Variants in CADPS2 observed in about 807,000 individuals in gnomAD.
The protein encoded by CADPS2 is calcium dependent secretion activator 2, also known as calcium-dependent secretion activator 2.
A neutral mutation model predicts 172.5 loss-of-function variants in CADPS2; 93 were observed. That is an observed-to-expected ratio of 0.54 (90% confidence interval 0.46 to 0.64). The LOEUF (loss-of-function observed/expected upper bound fraction) is 0.64, where lower values mean the gene tolerates loss of function less well. CADPS2 is among the 30% of genes least tolerant of loss of function. The pLI, the probability that CADPS2 is intolerant of heterozygous loss-of-function variation, is 0.00. For synonymous variants in CADPS2, 546 were observed against 555.2 expected (o/e 0.98, Z 0.23); for missense variants, 1,420 against 1,565.9 (o/e 0.91, Z 1.57).
chr7:122,645,758 T>C (rs2078480294), intron 3 of CADPS2, among the ~76,000 whole-genome samples: 1 of 144,574 alleles, frequency 6.9e-6, no homozygotes, highest in Non-Finnish European at 1.5e-5. Context: ...GTGCTTACTG[T>C]GAATATCACT....
intron 1 of CADPS2, among the ~76,000 whole-genome samples, chr7:122,829,529 G>T (rs1267583757): frequency 6.6e-6 from 1 of 151,524 alleles, no homozygotes; most frequent in African/African-American, 2.4e-5. Flanking sequence ...TTTATCCTAT[G>T]GAAAAAAAGG....
chr7:122,644,932 T>C (rs2134648647), intron 3 of CADPS2, among the ~76,000 whole-genome samples: 1 of 152,190 alleles, frequency 6.6e-6, no homozygotes, highest in South Asian at 2.1e-4. Context: ...AAATAGCAGT[T>C]TTTCATGGAT....
At chr7:122,525,461 G>A (rs956389054) in intron 8 of CADPS2, among the ~76,000 whole-genome samples, 1 of 152,226 alleles carries the variant, frequency 6.6e-6, no homozygotes. Context: ...CAATCTTGTC[G>A]GTAGTCAAGG....
chr7:122,456,225 A>G (rs2053756595), intron 14 of CADPS2, among the ~76,000 whole-genome samples: 1 of 152,064 alleles, frequency 6.6e-6, no homozygotes. Flanking sequence ...ATAAATAAAC[A>G]TAATAATCCT....
intron 17 of CADPS2, among the ~76,000 whole-genome samples, chr7:122,420,697 A>G (rs531855417): frequency 6.6e-6 from 1 of 152,338 alleles, no homozygotes; most frequent in African/African-American, 2.4e-5. Context: ...CTTCACACCA[A>G]ATTGCTGATT....
At chr7:122,730,533 A>G (rs574946912) in intron 2 of CADPS2, among the ~76,000 whole-genome samples, 3 of 151,782 alleles carry the variant, frequency 2.0e-5, no homozygotes, top group Non-Finnish European at 4.4e-5. Flanking sequence ...AATAAGCAAG[A>G]TATTAAATAA....
chr7:122,539,825 C>T (rs910826308), intron 8 of CADPS2, among the ~76,000 whole-genome samples: 2 of 151,690 alleles, frequency 1.3e-5, no homozygotes, highest in Non-Finnish European at 2.9e-5. Context: ...TTCTGTCTCT[C>T]TCTTTCTTTC....
intron 2 of CADPS2, chr7:122,676,810 G>C (rs189156689): frequency 2.6e-6 from 2 of 778,208 alleles, no homozygotes; most frequent in Admixed American, 4.8e-5. Flanking sequence ...ACAAGATTCC[G>C]AACTCACTGT....
At chr7:122,637,508 A>G (rs2077197919) in intron 3 of CADPS2, among the ~76,000 whole-genome samples, 2 of 152,160 alleles carry the variant, frequency 1.3e-5, no homozygotes, top group Admixed American at 1.3e-4. Flanking sequence ...CAATTCCAGA[A>G]GTTCAGTTGA....
chr7:122,374,843 C>T (rs1479916020), intron 25 of CADPS2, among the ~76,000 whole-genome samples: 1 of 152,148 alleles, frequency 6.6e-6, no homozygotes, highest in Non-Finnish European at 1.5e-5. Context: ...GCACATTCTG[C>T]ACATGTATCC....
intron 1 of CADPS2, chr7:122,849,666 A>G: frequency 3.1e-6 from 1 of 320,446 alleles, no homozygotes; most frequent in Non-Finnish European, 6.0e-6. Context: ...TATGGCTGCT[A>G]TAAAAGAGGC....
chr7:122,576,933 G>A (rs916425419), intron 7 of CADPS2, among the ~76,000 whole-genome samples: 15 of 152,092 alleles, frequency 9.9e-5, no homozygotes, highest in African/African-American at 3.6e-4. Flanking sequence ...ATAATTTTTT[G>A]TATTTTTAGT....
intron 1 of CADPS2, among the ~76,000 whole-genome samples, chr7:122,753,131 G>C (rs942546610): frequency 2.0e-5 from 3 of 152,096 alleles, no homozygotes; most frequent in Non-Finnish European, 4.4e-5. Flanking sequence ...ACATAAATTA[G>C]TTTAATAGTG....
Position 122,777,513 on chromosome 7 carries a change from TAC to T in CADPS2, c.340-40447_340-40446del, listed in dbSNP as rs577623616. 2.3e-3 allele frequency among the ~76,000 whole-genome samples: 356 copies of T among 152,312 alleles called. 3 individuals carry two copies. Among genetic ancestry groups the T allele is most frequent in the African/African-American group, 7.8e-3 (323 of 41,578 alleles). The stretch of plus-strand genomic sequence containing the variant: ...CTTAAACGGGCTACAAGGTGACTGA[TAC>T]AGTTTGGCTATGTCCCCACCCAAAT... On this transcript the variant is annotated intron_variant, in intron 1 of 29. Transcript: ENST00000449022.
intron 8 of CADPS2, among the ~76,000 whole-genome samples, chr7:122,554,296 G>T (rs768495908): frequency 3.9e-5 from 6 of 152,082 alleles, no homozygotes; most frequent in Admixed American, 2.6e-4. Flanking sequence ...TATGACTGAT[G>T]AGTAATACTA....
chr7:122,503,203 T>C (rs896725104), intron 9 of CADPS2, among the ~76,000 whole-genome samples: 2 of 151,918 alleles, frequency 1.3e-5, no homozygotes, highest in Admixed American at 6.6e-5. Context: ...GGCTGGCTAA[T>C]TTTTGTATTT....
intron 1 of CADPS2, among the ~76,000 whole-genome samples, chr7:122,808,283 T>C (rs1246700498): frequency 2.0e-5 from 3 of 152,202 alleles, no homozygotes; most frequent in Admixed American, 1.3e-4. Context: ...TATGTTCATG[T>C]TTTTACAACA....
At chr7:122,667,678 A>G (rs1564010781) in intron 2 of CADPS2, among the ~76,000 whole-genome samples, 1 of 152,180 alleles carries the variant, frequency 6.6e-6, no homozygotes, top group East Asian at 1.9e-4. Flanking sequence ...GCAAAAGAAA[A>G]GAAGTTATTA....
chr7:122,847,847 G>C (rs1459400367), intron 1 of CADPS2, among the ~76,000 whole-genome samples: 1 of 152,218 alleles, frequency 6.6e-6, no homozygotes, highest in Admixed American at 6.5e-5. Flanking sequence ...AGGAGTAGCT[G>C]TGGTTAGAAT....
Sources: allele counts gnomAD v4.1 joint callset (sites outside exome capture counted in the v4.1 genomes callset), GRCh38; gene constraint gnomAD v4.1.1; transcripts MANE v1.5; gene names NCBI Gene and HGNC (gene_info 2026-07-23, HGNC 2026-07-21).